The following AATK variants were observed in gnomAD, a reference collection of about 807,000 sequenced individuals.
AATK encodes the protein serine/threonine-protein kinase LMTK1.
Under a neutral mutation model 114.3 loss-of-function variants are expected in AATK, and 91 were observed. The ratio of observed to expected loss-of-function variants is 0.80; its 90% CI spans 0.67 to 0.95. The LOEUF (loss-of-function observed/expected upper bound fraction) is 0.95, where lower values mean the gene tolerates loss of function less well. Ranked by LOEUF, AATK falls within the 40% of genes least tolerant of loss-of-function variation. The pLI, the probability that AATK is intolerant of heterozygous loss-of-function variation, is 0.00. For missense variants in AATK, 2,176 were observed against 1,965.2 expected, an observed-to-expected ratio of 1.11 and a Z score of -2.03; for synonymous variants, 1,075 against 916.5, an observed-to-expected ratio of 1.17 and a Z score of -3.12.
chr17:81,128,195 T>A (rs914323082), intron 4 of AATK, among the ~76,000 whole-genome samples: 2 of 152,028 alleles, frequency 1.3e-5, no homozygotes, highest in Admixed American at 1.3e-4. Flanking sequence ...GACCCAGGTG[T>A]CTCGTTTAGG....
intron 9 of AATK, among the ~76,000 whole-genome samples, chr17:81,123,672 T>C (rs2060734210): frequency 1.1e-5 from 1 of 89,970 alleles, no homozygotes; most frequent in Non-Finnish European, 2.1e-5. Context: ...CTGGGGGAGC[T>C]GGAGGGCGGG....
At chr17:81,155,442 C>T (rs1439955688) in intron 1 of AATK, among the ~76,000 whole-genome samples, 2 of 151,924 alleles carry the variant, frequency 1.3e-5, no homozygotes, top group African/African-American at 4.8e-5. Context: ...AGTTGGAGTG[C>T]AGTGCGTGAT....
intron 13 of AATK, among the ~76,000 whole-genome samples, chr17:81,119,088 C>T (rs970410794): frequency 2.6e-5 from 4 of 152,074 alleles, no homozygotes; most frequent in Admixed American, 2.6e-4. Flanking sequence ...TGCCGCAGGT[C>T]TGCGGGGTAG....
chr17:81,126,580 C>T lies in AATK; in HGVS notation c.622-20G>A, dbSNP rs1032214366. 31 of 1,529,592 alleles carry T rather than the reference C, an allele frequency of 2.0e-5. No individual in the cohort carries two copies. The highest frequency in any genetic ancestry group is 1.7e-4 in the Middle Eastern group (1 of 5,932). 94.8% of individuals were successfully genotyped at this position (1,529,592 alleles called of 1,614,324 possible). Reference sequence around the variant, plus strand: ...GTCCCCCTGCAGAAAGGGGGTGTGGCGCAGTCACCAGCAGGCTGGGGGCTG... The same window carrying T: ...GTCCCCCTGCAGAAAGGGGGTGTGGTGCAGTCACCAGCAGGCTGGGGGCTG... On this transcript the variant is annotated intron_variant, in intron 6 of 13. Coordinates refer to ENST00000326724, the MANE Select transcript of AATK (RefSeq NM_001080395.3). This position sits in a 1 kb window ranked among gnomAD's most constrained non-coding sequence, Gnocchi z 5.1.
chr17:81,119,471 G>A lies in AATK; in HGVS notation c.3993C>T (p.Pro1331=), dbSNP rs541665071. 7.6e-5 allele frequency: 113 copies of A among 1,493,404 alleles called. 1 individual carries two copies. In the Admixed American group the frequency reaches 2.1e-3, roughly 28 times the overall value. The allele number at this position is 1,493,404 out of a possible 1,614,324, so 92.5% of individuals were successfully genotyped here. A position where few individuals can be genotyped will look rare whatever the true frequency, so the allele number is the denominator to read the frequency against. Residue 1331 remains proline (P), a synonymous_variant, in exon 13 of 14, where the codon CCC becomes CCT. Transcript: ENST00000326724. ...APAPAAPTPT[P]APFSRFTVSP... is the part of the protein sequence containing the mutation. ...ACACCGTGAAGCGCGAGAAGGGAGCGGGCGTGGGCGTGGGCGCAGCCGGGG... is the reference window on the plus strand; with the variant it reads ...ACACCGTGAAGCGCGAGAAGGGAGCAGGCGTGGGCGTGGGCGCAGCCGGGG...
rs1179262146 is a variant in AATK, at chr17:81,158,431, G to A, written c.55+7507C>T. Among the ~76,000 whole-genome samples the A allele has an allele frequency of 3.9e-5, 6 of 152,246 alleles. No individual in the cohort carries two copies. In the South Asian group the frequency reaches 1.0e-3, roughly 26 times the overall value. ...CACCCAGCTCCCTGGGAAGGAAAGCGGGGCGTGTGCCGGCTCCTGCCGCAA... is the reference window on the plus strand; with the variant it reads ...CACCCAGCTCCCTGGGAAGGAAAGCAGGGCGTGTGCCGGCTCCTGCCGCAA... On this transcript the variant is annotated intron_variant, in intron 1 of 13. Coordinates refer to ENST00000326724, the MANE Select transcript of AATK (RefSeq NM_001080395.3).
At chr17:81,155,447 C>T (rs868385888) in intron 1 of AATK, among the ~76,000 whole-genome samples, 6 of 151,826 alleles carry the variant, frequency 4.0e-5, no homozygotes, top group African/African-American at 7.3e-5. Context: ...GAGTGCAGTG[C>T]GTGATCTTGG....
Position 81,131,134 on chromosome 17 carries a change from C to G in AATK, c.261G>C (p.Gln87His). ...GCAGGACGTACACGTCGGGCCCGTT[C>G]TGTGCTGCCGTGGCCGGGGAGCCCT... is the stretch of plus-strand genomic sequence containing the variant. ...LAQGSPATAA[Q>H]NGPDVYVLPL... Residue 87 changes from glutamine to histidine, a missense_variant, in exon 3 of 14, where the codon CAG (glutamine) becomes CAC (histidine). By Grantham distance (24) the Gln-to-His change is conservative. This residue lies in a region of AATK where 178 missense variants were observed against 175.4 expected (regional missense o/e 1.01). Coordinates refer to ENST00000326724, the MANE Select transcript of AATK (RefSeq NM_001080395.3). 6.4e-7 allele frequency: 1 copy of G among 1,571,182 alleles called. No homozygotes were observed. The highest frequency in any genetic ancestry group is 1.2e-5 in the South Asian group (1 of 85,720).
rs537788252 is a variant in AATK at position 81,126,269 on chromosome 17, G to A, written c.755+158C>T. On this transcript the variant is annotated intron_variant, in intron 7 of 13. Coordinates refer to ENST00000326724, the MANE Select transcript of AATK (RefSeq NM_001080395.3). This position sits in a 1 kb window ranked among gnomAD's most constrained non-coding sequence, Gnocchi z 5.1. ...ATTGTCTTCCCAATTTTTCAAAAAC[G>A]TCATAAAATCCCTCTGCATAGTGGT... 3.7e-4 allele frequency among the ~76,000 whole-genome samples: 56 copies of A among 152,320 alleles called. No homozygotes were observed. Among genetic ancestry groups the A allele is most frequent in the African/African-American group, 1.2e-3 (51 of 41,570 alleles).
At chr17:81,157,025 C>T (rs55832832) in intron 1 of AATK, among the ~76,000 whole-genome samples, 24,425 of 152,070 alleles carry the variant, frequency 0.16, 2,890 homozygotes, top group African/African-American at 0.33. Context: ...GCCCTGGTGG[C>T]GGCATCGTGC....
At chr17:81,141,443 TC>T (rs542960698) in intron 1 of AATK, among the ~76,000 whole-genome samples, 1 of 151,814 alleles carries the variant, frequency 6.6e-6, no homozygotes, top group African/African-American at 2.4e-5. Flanking sequence ...AGAGACTCTG[TC>T]CCCCCCAAAA....
Position 81,120,933 on chromosome 17 carries a change from G to C in AATK, c.3003C>G (p.Leu1001=), listed in dbSNP as rs754315145. 4 of 1,604,336 alleles carry C rather than the reference G, an allele frequency of 2.5e-6. No individual in the cohort carries two copies. The highest frequency in any genetic ancestry group is 3.4e-6 in the Non-Finnish European group (4 of 1,176,150). The change falls in exon 11 of 14, where the codon CTC becomes CTG. Residue 1001 remains leucine (L), a synonymous_variant. Transcript: ENST00000326724. ...CTGAGGTGGCCTCGGCCTCAGCCTC[G>C]AGGTCTGAGAAGTAGGCAGAGTCTC... ...PYRDSAYFSD[L]EAEAEATSGP...
intron 3 of AATK, among the ~76,000 whole-genome samples, chr17:81,130,556 GGCCCCACCAGC>G (rs2060914277): frequency 6.6e-6 from 1 of 152,126 alleles, no homozygotes; most frequent in South Asian, 2.1e-4. Context: ...CGCCCACACG[GGCCCCACCAGC>G]GCCCCTCCTC....
chr17:81,165,146 A>G (rs1399211976), intron 1 of AATK, among the ~76,000 whole-genome samples: 1 of 152,214 alleles, frequency 6.6e-6, no homozygotes, highest in Non-Finnish European at 1.5e-5. Context: ...CAGGCCAAGC[A>G]GGGGCCGGAT....
chr17:81,139,052 G>A lies in AATK; in HGVS notation c.56-4551C>T, dbSNP rs139098642. Among the ~76,000 whole-genome samples the A allele has an allele frequency of 4.0e-3, 611 of 152,138 alleles. 6 individuals are homozygous for A. Among genetic ancestry groups the A allele is most frequent in the African/African-American group, 0.014 (591 of 41,484 alleles). Reference sequence around the variant, plus strand: ...TGCACACCCACAGGCACACACACCCGCACATGCAAACATGCACACACATGA... The same window carrying A: ...TGCACACCCACAGGCACACACACCCACACATGCAAACATGCACACACATGA... On this transcript the variant is annotated intron_variant, in intron 1 of 13. Transcript: ENST00000326724.
At chr17:81,137,326 G>T (rs534722152) in intron 1 of AATK, among the ~76,000 whole-genome samples, 2 of 151,944 alleles carry the variant, frequency 1.3e-5, no homozygotes, top group South Asian at 4.2e-4. Context: ...CCGTGGAAGC[G>T]AGGTGGTTTG....
chr17:81,119,684 G>T (rs565905731), intron 12 of AATK, 104 bp from the exon 13 acceptor site: 30 of 797,160 alleles, frequency 3.8e-5, no homozygotes, highest in Non-Finnish European at 4.7e-5. Flanking sequence ...TCATGTCACG[G>T]GCCCAGGCCC....
chr17:81,147,100 C>T (rs12942400), intron 1 of AATK, among the ~76,000 whole-genome samples: 44,467 of 151,164 alleles, frequency 0.29, 7,742 homozygotes, highest in Admixed American at 0.41. Flanking sequence ...TGGTGGCTCC[C>T]GCCTGTAATC....
Position 81,118,116 on chromosome 17 carries a change from G to GTGTA in AATK, c.*282_*285dup, listed in dbSNP as rs1220981488. ...CCAGGGGCACTGGCCCCTTTTGAGTGTGTATGTGTGTACAGACACCCACTG... is the reference window on the plus strand; with the variant it reads ...CCAGGGGCACTGGCCCCTTTTGAGTGTGTATGTATGTGTGTACAGACACCCACTG... On this transcript the variant is annotated 3_prime_UTR_variant, in exon 14 of 14. Transcript: ENST00000326724. 4 of 453,322 alleles carry GTGTA rather than the reference G, an allele frequency of 8.8e-6. No homozygotes were observed. The highest frequency in any genetic ancestry group is 7.5e-5 in the East Asian group (2 of 26,842). 28.1% of individuals were successfully genotyped at this position (453,322 alleles called of 1,614,324 possible). A position where few individuals can be genotyped will look rare whatever the true frequency, so the allele number is the denominator to read the frequency against.
Sources: allele counts gnomAD v4.1 joint callset (sites outside exome capture counted in the v4.1 genomes callset), GRCh38; gene constraint gnomAD v4.1.1; regional missense constraint gnomAD v4.1.1; non-coding constraint Gnocchi (gnomAD v3.1); transcripts MANE v1.5; gene names NCBI Gene and HGNC (gene_info 2026-07-23, HGNC 2026-07-21).